Variants in LRRC37A3 observed in about 807,000 individuals in gnomAD.
The protein encoded by LRRC37A3 is leucine rich repeat containing 37 member A3.
A neutral mutation model predicts 106.2 loss-of-function variants in LRRC37A3; 25 were observed. The observed-to-expected ratio is 0.24, with a 90% CI of 0.17 to 0.33. The LOEUF (loss-of-function observed/expected upper bound fraction) is 0.33, where lower values mean the gene tolerates loss of function less well. LRRC37A3 is among the 10% of genes least tolerant of loss of function. The pLI, the probability that LRRC37A3 is intolerant of heterozygous loss-of-function variation, is 1.00. For synonymous variants in LRRC37A3, 305 were observed against 635.8 expected (o/e 0.48, Z 7.83); for missense variants, 712 against 1,644.9 (o/e 0.43, Z 9.81).
chr17:64,855,645 T>TA (rs1398591610), intron 14 of LRRC37A3, among the ~76,000 whole-genome samples, 195 bp downstream of exon 14: 1 of 151,366 alleles, frequency 6.6e-6, no homozygotes, highest in African/African-American at 2.5e-5. Flanking sequence ...AAATTCTAAT[T>TA]AAAACGTCGC....
Position 64,859,945 on chromosome 17 carries a change from C to T in LRRC37A3, c.4201G>A (p.Val1401Ile). 3.7e-6 allele frequency: 6 copies of T among 1,613,686 alleles called. No individual in the cohort carries two copies. The highest frequency in any genetic ancestry group is 4.2e-6 in the Non-Finnish European group (5 of 1,179,868). ...GGCATGTTAGTGTTTTCCATAAAAA[C>T]ATTTTCTTCAAAGGCATTTCTTGCA... ...TTARNAFEEN[V>I]FMENTNMPEG... Residue 1401 changes from valine (V) to isoleucine (I), a missense_variant, in exon 12 of 15, where the codon GTT becomes ATT. Transcript: ENST00000584306.
At chr17:64,919,353 G>A (rs546473336) in intron 1 of LRRC37A3, 78 bp downstream of exon 1, 59 of 373,298 alleles carry the variant, frequency 1.6e-4, no homozygotes, top group African/African-American at 1.2e-3. Context: ...GGGGAGGCCA[G>A]AGGGGCAGGG....
chr17:64,861,290 G>A (rs1972860418), intron 11 of LRRC37A3, among the ~76,000 whole-genome samples: 1 of 152,174 alleles, frequency 6.6e-6, no homozygotes, highest in Non-Finnish European at 1.5e-5. Context: ...GAAGACAAGT[G>A]CTTCCCTGAT....
chr17:64,867,803 G>A lies in LRRC37A3; in HGVS notation c.3053+659C>T, dbSNP rs1326486754. On this transcript the variant is annotated intron_variant, in intron 10 of 14. Coordinates refer to ENST00000584306, the MANE Select transcript of LRRC37A3 (RefSeq NM_199340.5). ...ATTCTGCTGAGTGAGGCCAGGCAAG[G>A]TGGATCTTATCTGTAATCCTAGCAC... Among the ~76,000 whole-genome samples, 4 of 152,224 alleles carry A rather than the reference G, an allele frequency of 2.6e-5. No homozygotes were observed. In the South Asian group the frequency reaches 6.2e-4, roughly 24 times the overall value.
intron 8 of LRRC37A3, among the ~76,000 whole-genome samples, chr17:64,869,756 G>A (rs1458211223): frequency 6.6e-6 from 1 of 151,964 alleles, no homozygotes; most frequent in Non-Finnish European, 1.5e-5. Context: ...GGCCAGGCTG[G>A]TTTTGAACTC....
intron 14 of LRRC37A3, 32 bp from the exon 15 acceptor site, chr17:64,854,676 A>T: frequency 1.2e-6 from 2 of 1,612,680 alleles, no homozygotes; most frequent in Non-Finnish European, 1.7e-6. Context: ...CAAGGTTTTG[A>T]TTCTTGAAAG....
rs373962772 is a variant in LRRC37A3 at position 64,860,384 on chromosome 17, G to A, written c.3762C>T (p.Gly1254=). 85 of 1,613,828 alleles carry A rather than the reference G, an allele frequency of 5.3e-5. No individual in the cohort carries two copies. Among genetic ancestry groups the A allele is most frequent in the Non-Finnish European group, 6.8e-5 (80 of 1,179,878 alleles). Residue 1254 remains glycine, a synonymous_variant, in exon 12 of 15, where the codon GGC becomes GGT. Transcript: ENST00000584306. ...AVSVLKPFSK[G]APSTSSPAKA... is the part of the protein sequence containing the mutation. The stretch of plus-strand genomic sequence containing the variant: ...TTGCAGGGCTGGAGGTAGAAGGCGC[G>A]CCCTTGGAGAAGGGTTTCAGCACAG...
intron 11 of LRRC37A3, among the ~76,000 whole-genome samples, chr17:64,862,507 T>C (rs978660140): frequency 2.6e-5 from 4 of 151,896 alleles, no homozygotes; most frequent in African/African-American, 9.7e-5. Context: ...ACATCTGTCC[T>C]ATAAGGCAGA....
intron 10 of LRRC37A3, among the ~76,000 whole-genome samples, chr17:64,864,080 C>T (rs1972976188): frequency 6.6e-6 from 1 of 151,384 alleles, no homozygotes; most frequent in South Asian, 2.1e-4. Context: ...CCTCCCACCT[C>T]GGCCTTCCAA....
intron 2 of LRRC37A3, among the ~76,000 whole-genome samples, chr17:64,912,640 T>G (rs1464364943): frequency 2.0e-5 from 3 of 151,488 alleles, no homozygotes; most frequent in Non-Finnish European, 2.9e-5. Flanking sequence ...AAAGGAAACC[T>G]AAATCCAATC....
At chr17:64,855,256 G>C (rs1388448166) in intron 14 of LRRC37A3, among the ~76,000 whole-genome samples, 1 of 151,560 alleles carries the variant, frequency 6.6e-6, no homozygotes, top group African/African-American at 2.4e-5. Context: ...AGAAAATACT[G>C]TTTCCTGCCA....
Position 64,860,565 on chromosome 17 carries a change from T to C in LRRC37A3, c.3581A>G (p.Gln1194Arg), listed in dbSNP as rs749014677. 5 of 1,613,346 alleles carry C rather than the reference T, an allele frequency of 3.1e-6. No individual in the cohort carries two copies. In the South Asian group the frequency reaches 4.4e-5, roughly 14 times the overall value. ...RQSIRREQGA[Q>R]ASVENTAEEK... ...TTCGGCAGTGTTCTCCACAGATGCC[T>C]GGGCACCCTGTTCCCTCCTGATGCT... Residue 1194 changes from glutamine (Q) to arginine (R), a missense_variant, in exon 12 of 15, where the codon CAG becomes CGG. By Grantham distance (43) the Gln-to-Arg change is conservative (BLOSUM62 1). Coordinates refer to ENST00000584306, the MANE Select transcript of LRRC37A3 (RefSeq NM_199340.5).
intron 2 of LRRC37A3, chr17:64,899,888 AG>A (rs1372118010): frequency 1.3e-5 from 2 of 150,770 alleles, no homozygotes; most frequent in Non-Finnish European, 2.9e-5. Context: ...CTTTAGGAAA[AG>A]CCCCGGAAAT....
chr17:64,899,574 A>G (rs1346812304), intron 2 of LRRC37A3, among the ~76,000 whole-genome samples: 1 of 146,014 alleles, frequency 6.8e-6, no homozygotes, highest in South Asian at 2.1e-4. Context: ...AAAGATCTTC[A>G]GCAAAATATT....
intron 8 of LRRC37A3, among the ~76,000 whole-genome samples, chr17:64,875,303 G>C (rs999228707): frequency 4.6e-5 from 7 of 152,098 alleles, no homozygotes; most frequent in African/African-American, 1.4e-4. Flanking sequence ...ACACACAACA[G>C]TGGAGGACAA....
chr17:64,864,271 C>T (rs1972982491), intron 10 of LRRC37A3, among the ~76,000 whole-genome samples: 1 of 152,132 alleles, frequency 6.6e-6, no homozygotes, highest in Non-Finnish European at 1.5e-5. Context: ...TGAATTTCGT[C>T]ATGAGGAAAC....
chr17:64,909,792 A>T (rs1974544029), intron 2 of LRRC37A3: 1 of 152,226 alleles, frequency 6.6e-6, no homozygotes, highest in African/African-American at 2.4e-5. Context: ...TAAGGAAGTC[A>T]AGTGGTCTGC....
intron 10 of LRRC37A3, among the ~76,000 whole-genome samples, chr17:64,866,765 G>T (rs1279825546): frequency 7.3e-6 from 1 of 137,618 alleles, no homozygotes; most frequent in African/African-American, 2.7e-5. Flanking sequence ...CTAGTAGCTG[G>T]GACTACAGGC....
chr17:64,854,293 A>G lies in LRRC37A3; in HGVS notation c.*306T>C. ...GTGATCCTATGATAGGGGCCAGGAG[A>G]TGGGAGGTCCCCTGTGGGCAGGAGT... On this transcript the variant is annotated 3_prime_UTR_variant, in exon 15 of 15. Transcript: ENST00000584306. 1 of 514,474 alleles carries G rather than the reference A, an allele frequency of 1.9e-6. No homozygotes were observed. Among genetic ancestry groups the G allele is most frequent in the Non-Finnish European group, 3.5e-6 (1 of 286,366 alleles). The allele number at this position is 514,474 out of a possible 1,614,324, so 31.9% of individuals were successfully genotyped here.
Sources: gnomAD v4.1 joint callset for allele counts (sites outside exome capture counted in the v4.1 genomes callset) on GRCh38, gnomAD v4.1.1 for gene constraint, MANE v1.5 for transcripts, NCBI Gene and HGNC (gene_info 2026-07-23, HGNC 2026-07-21) for gene names.